Variants in AGAP1 observed in about 807,000 individuals in gnomAD.
The protein encoded by AGAP1 is arf-GAP with GTPase, ANK repeat and PH domain-containing protein 1.
A neutral mutation model predicts 105.3 loss-of-function variants in AGAP1; 29 were observed. The ratio of observed to expected loss-of-function variants is 0.28; its 90% CI spans 0.21 to 0.38. The LOEUF (loss-of-function observed/expected upper bound fraction) is 0.38. AGAP1 is among the 10% of genes least tolerant of loss of function. The pLI, the probability that AGAP1 is intolerant of heterozygous loss-of-function variation, is 1.00. For synonymous variants in AGAP1, 509 were observed against 485.9 expected, an observed-to-expected ratio of 1.05 and a Z score of -0.63; for missense variants, 998 against 1,165.1, an observed-to-expected ratio of 0.86 and a Z score of 2.09.
intron 15 of AGAP1, 38 bp from the exon 16 acceptor site, chr2:236,049,021 G>A: frequency 6.4e-7 from 1 of 1,568,338 alleles, no homozygotes; most frequent in East Asian, 2.3e-5. Context: ...ATGCATGATG[G>A]TCTGATTGCG....
At chr2:235,694,339 C>T (rs6709499) in intron 1 of AGAP1, among the ~76,000 whole-genome samples, 5,817 of 151,980 alleles carry the variant, frequency 0.038, 302 homozygotes, top group African/African-American at 0.11. Flanking sequence ...GTTAGCTGGG[C>T]GTGGTGGCGG....
intron 9 of AGAP1, among the ~76,000 whole-genome samples, chr2:235,812,631 G>A (rs1312450596): frequency 6.6e-6 from 1 of 152,230 alleles, no homozygotes; most frequent in East Asian, 1.9e-4. Flanking sequence ...CTTTCATGGA[G>A]GAAACAAATG....
rs1034488031 is a variant in AGAP1, at chr2:235,801,122, G to A, written c.957+1600G>A. ...TCGTCCCCAGCCTCCCCTTGCTTTT[G>A]CTAGTTGCCTTGCGCCACATCAGCT... On this transcript the variant is annotated intron_variant, in intron 8 of 17. Coordinates refer to ENST00000304032, the MANE Select transcript of AGAP1 (RefSeq NM_001037131.3). This position sits in a 1 kb window ranked among gnomAD's most constrained non-coding sequence, Gnocchi z 6.0. Among the ~76,000 whole-genome samples the A allele has an allele frequency of 2.6e-5, 4 of 152,074 alleles. No individual in the cohort carries two copies. Among genetic ancestry groups the A allele is most frequent in the African/African-American group, 4.8e-5 (2 of 41,362 alleles).
At chr2:235,759,362 G>A (rs370251064) in intron 6 of AGAP1, among the ~76,000 whole-genome samples, 1 of 150,966 alleles carries the variant, frequency 6.6e-6, no homozygotes, top group African/African-American at 2.4e-5. Context: ...GTAGAGACGG[G>A]CTTTCACCGT....
rs1253683257 is a variant in AGAP1, at chr2:235,494,764, C to T, written c.78C>T (p.Asn26=). ...AGCGCTTCGAGTCGGTCCACCCCAACATCTACTCCATCTACGAGCTGCTGG... is the reference window on the plus strand; with the variant it reads ...AGCGCTTCGAGTCGGTCCACCCCAATATCTACTCCATCTACGAGCTGCTGG... The part of the protein sequence containing the change: ...EIQRFESVHP[N]IYSIYELLER... The change falls in exon 1 of 18, where the codon AAC becomes AAT. Residue 26 remains asparagine, a synonymous_variant. Transcript: ENST00000304032. 7 of 1,578,300 alleles carry T rather than the reference C, an allele frequency of 4.4e-6. No individual in the cohort carries two copies. The highest frequency in any genetic ancestry group is 1.8e-5 in the Admixed American group (1 of 56,364).
intron 10 of AGAP1, among the ~76,000 whole-genome samples, chr2:235,894,587 T>TCATACACACACA (rs1466105004): frequency 6.6e-6 from 1 of 151,540 alleles, no homozygotes; most frequent in African/African-American, 2.4e-5. Context: ...CATACATACA[T>TCATACACACACA]CATACACACA....
At position 235,867,572 on chromosome 2, in the gene AGAP1, T is replaced by TGC. The variant is rs1553655423; in HGVS notation, c.1051-15772_1051-15771insCG. Among the ~76,000 whole-genome samples, 144 of 148,488 alleles carry TGC rather than the reference T, an allele frequency of 9.7e-4. No homozygotes were observed. The highest frequency in any genetic ancestry group is 1.4e-3 in the Non-Finnish European group (95 of 67,054). ...GTGTGTGTGTGTGTGTGTGTGTGTG[T>TGC]GTGCAAGTGAGGGAGGGTGACCCCC... On this transcript the variant is annotated intron_variant, in intron 9 of 17. Coordinates refer to ENST00000304032, the MANE Select transcript of AGAP1 (RefSeq NM_001037131.3). The surrounding 1 kb of genome is among the most constrained non-coding windows in gnomAD (Gnocchi z 5.4).
rs948892628 is a variant in AGAP1, at chr2:235,988,893, C to T, written c.1645+20270C>T. ...TCCCCCAGCAGGTAACTTGCTTCAG[C>T]GCCACTTTGCCTGGGTGCTGGTGAT... On this transcript the variant is annotated intron_variant, in intron 13 of 17. Coordinates refer to ENST00000304032, the MANE Select transcript of AGAP1 (RefSeq NM_001037131.3). The surrounding 1 kb of genome is among the most constrained non-coding windows in gnomAD (Gnocchi z 4.7). Among the ~76,000 whole-genome samples, 4 of 152,142 alleles carry T rather than the reference C, an allele frequency of 2.6e-5. No individual in the cohort carries two copies. The highest frequency in any genetic ancestry group is 6.5e-5 in the Admixed American group (1 of 15,278).
At chr2:236,007,958 C>G (rs1381279829) in intron 13 of AGAP1, among the ~76,000 whole-genome samples, 1 of 152,274 alleles carries the variant, frequency 6.6e-6, no homozygotes, top group Non-Finnish European at 1.5e-5. Context: ...GAACAAATCT[C>G]ACAAGAAAGA....
In AGAP1 at chr2:235,747,349, GAT is replaced by G. The variant is rs1161459348; in HGVS notation, c.538+2511_538+2512del. Among the ~76,000 whole-genome samples the G allele has an allele frequency of 6.6e-6, 1 of 152,180 alleles. No individual in the cohort carries two copies. The highest frequency in any genetic ancestry group is 1.5e-5 in the Non-Finnish European group (1 of 68,022). Reference sequence around the variant, plus strand: ...GAATTCCATGAACATCCGTTGATCGGATGTGGAAAGATGCCCAGGAAGGCCCC... The same window carrying G: ...GAATTCCATGAACATCCGTTGATCGGGTGGAAAGATGCCCAGGAAGGCCCC... On this transcript the variant is annotated intron_variant, in intron 5 of 17. Transcript: ENST00000304032. This position sits in a 1 kb window ranked among gnomAD's most constrained non-coding sequence, Gnocchi z 5.0.
At chr2:236,007,318 A>G (rs772730281) in intron 13 of AGAP1, among the ~76,000 whole-genome samples, 1 of 152,204 alleles carries the variant, frequency 6.6e-6, no homozygotes, top group African/African-American at 2.4e-5. Context: ...TTCAGTTCAG[A>G]TGGCTTACAT....
chr2:235,779,266 G>A (rs540315884), intron 6 of AGAP1, among the ~76,000 whole-genome samples: 1 of 152,304 alleles, frequency 6.6e-6, no homozygotes, highest in African/African-American at 2.4e-5. Flanking sequence ...TTAAAATACA[G>A]CCTCGCCAAG....
At position 235,712,143 on chromosome 2, in the gene AGAP1, C is replaced by T. The variant is rs1294256839; in HGVS notation, c.222+2906C>T. Among the ~76,000 whole-genome samples the T allele has an allele frequency of 4.6e-5, 7 of 152,302 alleles. No homozygotes were observed. Among genetic ancestry groups the T allele is most frequent in the African/African-American group, 1.4e-4 (6 of 41,566 alleles). On this transcript the variant is annotated intron_variant, in intron 2 of 17. Transcript: ENST00000304032. This position sits in a 1 kb window ranked among gnomAD's most constrained non-coding sequence, Gnocchi z 6.0. ...GTTCAAGTGATTCTCGTGCCTCAGCCTCCCAAGTAGCTGGGATGACAGGCA... is the reference window on the plus strand; with the variant it reads ...GTTCAAGTGATTCTCGTGCCTCAGCTTCCCAAGTAGCTGGGATGACAGGCA...
intron 1 of AGAP1, among the ~76,000 whole-genome samples, chr2:235,564,307 T>A (rs1201292047): frequency 6.6e-6 from 1 of 152,128 alleles, no homozygotes; most frequent in Admixed American, 6.5e-5. Flanking sequence ...TCTCTGGGGA[T>A]ACTGTTACTA....
rs1365096731 is a variant in AGAP1 at position 235,631,201 on chromosome 2, C to T, written c.164-77978C>T. 6.6e-6 allele frequency among the ~76,000 whole-genome samples: 1 copy of T among 152,176 alleles called. No homozygotes were observed. The highest frequency in any genetic ancestry group is 2.4e-5 in the African/African-American group (1 of 41,438). On this transcript the variant is annotated intron_variant, in intron 1 of 17. Coordinates refer to ENST00000304032, the MANE Select transcript of AGAP1 (RefSeq NM_001037131.3). This position sits in a 1 kb window ranked among gnomAD's most constrained non-coding sequence, Gnocchi z 5.4. ...GCAAATAAACACGTTGAAGAGCCTC[C>T]TTCCAGTGGGTAAATGGCAAACTCG...
Position 235,494,624 on chromosome 2 carries a change from G to A in AGAP1, c.-63G>A. ...CGGCGCCCCGGGCTCGGCGGCCCGCGGGCCCCGGGGCGCGGGGCGGCGGCG... is the reference window on the plus strand; with the variant it reads ...CGGCGCCCCGGGCTCGGCGGCCCGCAGGCCCCGGGGCGCGGGGCGGCGGCG... On this transcript the variant is annotated 5_prime_UTR_variant, in exon 1 of 18. Coordinates refer to ENST00000304032, the MANE Select transcript of AGAP1 (RefSeq NM_001037131.3). The A allele has an allele frequency of 1.1e-6, 1 of 921,430 alleles. No homozygotes were observed. Among genetic ancestry groups the A allele is most frequent in the Non-Finnish European group, 1.3e-6 (1 of 777,216 alleles). 57.1% of individuals were successfully genotyped at this position (921,430 alleles called of 1,614,324 possible).
chr2:235,885,733 A>G (rs955260601), intron 10 of AGAP1, among the ~76,000 whole-genome samples: 2 of 152,192 alleles, frequency 1.3e-5, no homozygotes, highest in African/African-American at 2.4e-5. Flanking sequence ...GCGTAGCTAT[A>G]CCTTTCAGAA....
intron 1 of AGAP1, among the ~76,000 whole-genome samples, chr2:235,558,426 T>A (rs1241609198): frequency 1.3e-5 from 2 of 152,138 alleles, no homozygotes; most frequent in Non-Finnish European, 2.9e-5. Context: ...AAGAATAAAG[T>A]GTGACCAGGA....
intron 10 of AGAP1, among the ~76,000 whole-genome samples, chr2:235,898,056 G>T (rs986340721): frequency 6.6e-6 from 1 of 152,166 alleles, no homozygotes. Flanking sequence ...TGCCGCATCG[G>T]CTATTTGCCT....
Sources: allele counts gnomAD v4.1 joint callset (sites outside exome capture counted in the v4.1 genomes callset), GRCh38; gene constraint gnomAD v4.1.1; non-coding constraint Gnocchi (gnomAD v3.1); transcripts MANE v1.5; gene names NCBI Gene and HGNC (gene_info 2026-07-23, HGNC 2026-07-21).